Variants in CAP2 observed in about 807,000 individuals in gnomAD.
CAP2 encodes cyclase associated actin cytoskeleton regulatory protein 2, also known as adenylyl cyclase-associated protein 2.
CAP2 carries 24 observed loss-of-function variants against 57.7 expected under a neutral mutation model. The observed-to-expected ratio is 0.42, with a 90% CI of 0.30 to 0.58. The LOEUF is 0.58. Ranked by LOEUF, CAP2 falls within the 20% of genes least tolerant of loss-of-function variation. The pLI is 0.22. For missense variants in CAP2, 501 were observed against 590.3 expected (o/e 0.85, Z 1.57); for synonymous variants, 194 against 207.2 (o/e 0.94, Z 0.55).
At chr6:17,463,218 C>A in intron 4 of CAP2, 145 bp downstream of exon 4, 1 of 607,774 alleles carries the variant, frequency 1.6e-6, no homozygotes, top group Non-Finnish European at 2.9e-6. Flanking sequence ...TAATCTGGAT[C>A]ATGGTATAGA....
In CAP2 at chr6:17,510,247, C is replaced by G. The variant is rs376133107; in HGVS notation, c.530+2521C>G. Among the ~76,000 whole-genome samples the G allele has an allele frequency of 3.7e-4, 57 of 152,116 alleles. No homozygotes were observed. The East Asian group carries it at 4.6e-3, about 12-fold the overall frequency. ...ATTGATTGTGGTGGTGATTGCTCAA[C>G]TGAGTGATAACTCTGCTGAGCTAAA... On this transcript the variant is annotated intron_variant, in intron 6 of 12. Transcript: ENST00000229922.
At chr6:17,480,575 G>C (rs933671079) in intron 4 of CAP2, among the ~76,000 whole-genome samples, 1 of 152,142 alleles carries the variant, frequency 6.6e-6, no homozygotes, top group African/African-American at 2.4e-5. Context: ...TGGGGAGTTG[G>C]AGAAGAGGTC....
intron 11 of CAP2, among the ~76,000 whole-genome samples, chr6:17,543,968 C>A (rs1335852249): frequency 2.0e-5 from 3 of 151,682 alleles, no homozygotes; most frequent in African/African-American, 7.3e-5. Context: ...ATATTGAAAA[C>A]ACAAAAATTA....
chr6:17,484,506 C>T (rs1761373900), intron 4 of CAP2, among the ~76,000 whole-genome samples: 1 of 152,168 alleles, frequency 6.6e-6, no homozygotes, highest in Non-Finnish European at 1.5e-5. Context: ...AGACTCATTT[C>T]AGCTGACAGG....
At chr6:17,454,111 T>C (rs1760488922) in intron 3 of CAP2, among the ~76,000 whole-genome samples, 1 of 151,428 alleles carries the variant, frequency 6.6e-6, no homozygotes, top group Non-Finnish European at 1.5e-5. Flanking sequence ...GGTTTTACCA[T>C]GTTGCCCAGG....
chr6:17,437,630 G>A (rs1759930022), intron 3 of CAP2, among the ~76,000 whole-genome samples: 1 of 152,124 alleles, frequency 6.6e-6, no homozygotes, highest in South Asian at 2.1e-4. Flanking sequence ...TGTAATCTCA[G>A]CACTTTGGGA....
intron 3 of CAP2, among the ~76,000 whole-genome samples, chr6:17,452,694 A>G (rs986551393): frequency 3.9e-5 from 6 of 152,170 alleles, no homozygotes; most frequent in African/African-American, 1.2e-4. Flanking sequence ...GGACTTTGCT[A>G]TTTTTCATAA....
chr6:17,460,928 G>T (rs145850297), intron 3 of CAP2, among the ~76,000 whole-genome samples: 1 of 152,072 alleles, frequency 6.6e-6, no homozygotes, highest in Non-Finnish European at 1.5e-5. Flanking sequence ...CAGGAGGATC[G>T]CTTGAGCACA....
chr6:17,468,532 A>G (rs1054723071), intron 4 of CAP2, among the ~76,000 whole-genome samples: 1 of 152,140 alleles, frequency 6.6e-6, no homozygotes, highest in Admixed American at 6.6e-5. Flanking sequence ...CACCTTTCTC[A>G]TTGATTTATT....
chr6:17,526,538 A>G (rs1224868096), intron 7 of CAP2, among the ~76,000 whole-genome samples: 2 of 152,192 alleles, frequency 1.3e-5, no homozygotes, highest in Non-Finnish European at 2.9e-5. Context: ...ACTGCCTTTC[A>G]TTCTCAGTTG....
chr6:17,395,386 A>G (rs552174147), intron 1 of CAP2, among the ~76,000 whole-genome samples: 6 of 152,356 alleles, frequency 3.9e-5, no homozygotes, highest in Admixed American at 3.9e-4. Context: ...ACTTTTCACC[A>G]GTAACAAAAT....
At chr6:17,518,154 C>G (rs1375640058) in intron 7 of CAP2, among the ~76,000 whole-genome samples, 3 of 152,030 alleles carry the variant, frequency 2.0e-5, no homozygotes, top group Non-Finnish European at 2.9e-5. Context: ...GATTAAAAAT[C>G]TTTTGTCAAG....
chr6:17,504,293 T>A (rs1761917697), intron 4 of CAP2, among the ~76,000 whole-genome samples: 2 of 152,206 alleles, frequency 1.3e-5, no homozygotes, highest in African/African-American at 4.8e-5. Flanking sequence ...GGTACTGTTG[T>A]CAACCCTAGC....
chr6:17,464,266 G>A (rs766417165), intron 4 of CAP2, among the ~76,000 whole-genome samples: 6 of 152,126 alleles, frequency 3.9e-5, no homozygotes, highest in African/African-American at 1.4e-4. Context: ...TTCTGCATCC[G>A]AAGTTTAAGA....
At chr6:17,402,016 CT>C (rs1252794367) in intron 1 of CAP2, among the ~76,000 whole-genome samples, 1 of 152,118 alleles carries the variant, frequency 6.6e-6, no homozygotes, top group African/African-American at 2.4e-5. Context: ...CATTTTTATG[CT>C]TCTTATTTTG....
intron 4 of CAP2, among the ~76,000 whole-genome samples, chr6:17,485,525 C>A (rs1474575473): frequency 1.3e-5 from 2 of 152,174 alleles, no homozygotes; most frequent in Non-Finnish European, 2.9e-5. Flanking sequence ...CCCTTTCCTG[C>A]CATGTGAACT....
chr6:17,399,982 G>A (rs549367263), intron 1 of CAP2, among the ~76,000 whole-genome samples: 1 of 152,126 alleles, frequency 6.6e-6, no homozygotes, highest in Non-Finnish European at 1.5e-5. Flanking sequence ...AGCACTTTGG[G>A]AGGCCAAGGC....
At chr6:17,501,037 C>G (rs1761809252) in intron 4 of CAP2, among the ~76,000 whole-genome samples, 1 of 152,110 alleles carries the variant, frequency 6.6e-6, no homozygotes, top group Non-Finnish European at 1.5e-5. Context: ...TACTTTAATG[C>G]TTTTAAGTTT....
chr6:17,552,053 A>C (rs1476005024), intron 12 of CAP2, among the ~76,000 whole-genome samples: 1 of 152,174 alleles, frequency 6.6e-6, no homozygotes, highest in African/African-American at 2.4e-5. Context: ...TTTTATGAAA[A>C]TGCCAGTTCC....
Sources: gnomAD v4.1 joint callset for allele counts (sites outside exome capture counted in the v4.1 genomes callset) on GRCh38, gnomAD v4.1.1 for gene constraint, MANE v1.5 for transcripts, NCBI Gene and HGNC (gene_info 2026-07-23, HGNC 2026-07-21) for gene names.